HHIPL1: variants seen among roughly 807,000 people sequenced by gnomAD.
The protein encoded by HHIPL1 is HHIP-like protein 1.
A neutral mutation model predicts 61.8 loss-of-function variants in HHIPL1; 43 were observed. The observed-to-expected ratio is 0.70, with a 90% CI of 0.55 to 0.90. The LOEUF (loss-of-function observed/expected upper bound fraction) is 0.90, where lower values mean the gene tolerates loss of function less well. HHIPL1 is among the 40% of genes least tolerant of loss of function. The pLI is 0.00. For missense variants in HHIPL1, 1,056 were observed against 1,157.7 expected, an observed-to-expected ratio of 0.91 and a Z score of 1.28; for synonymous variants, 482 against 515.8, an observed-to-expected ratio of 0.93 and a Z score of 0.89.
At chr14:99,627,854 G>A in the HHIPL1 span, among the ~76,000 whole-genome samples, 1 of 152,190 alleles carries the variant, frequency 6.6e-6, no homozygotes, top group Non-Finnish European at 1.5e-5. This position sits in a 1 kb window ranked among gnomAD's most constrained non-coding sequence, Gnocchi z 4.4. Flanking sequence ...GATGACAAGT[G>A]GACAGAGCAG....
rs1555377257 is a variant in HHIPL1 at position 99,656,787 on chromosome 14, AAAAGAAAGAAAGAAAG to A, written c.903-176_903-161del. Among the ~76,000 whole-genome samples the A allele has an allele frequency of 2.3e-3, 46 of 20,414 alleles. 2 individuals carry two copies. Among genetic ancestry groups the A allele is most frequent in the African/African-American group, 5.1e-3 (45 of 8,886 alleles). The allele number at this position is 20,414 out of a possible 152,430, so 13.4% of individuals were successfully genotyped here. ...AACACTCTGTCTGCAAAAAGAAAAG[AAAAGAAAGAAAGAAAG>A]AAAGAAAGAAAGAAAGAAAGAAAGA... is the stretch of plus-strand genomic sequence containing the variant. On this transcript the variant is annotated intron_variant, in intron 2 of 8. Coordinates refer to ENST00000330710, the MANE Select transcript of HHIPL1 (RefSeq NM_001127258.3).
the HHIPL1 span, among the ~76,000 whole-genome samples, chr14:99,634,652 C>T: frequency 3.9e-5 from 6 of 152,152 alleles, no homozygotes; most frequent in South Asian, 8.3e-4. Context: ...CTGGGCCACA[C>T]GGTTGTGGTG....
chr14:99,637,260 G>T, the HHIPL1 span, among the ~76,000 whole-genome samples: 16 of 145,484 alleles, frequency 1.1e-4, no homozygotes, highest in Admixed American at 5.4e-4. Context: ...AAGAAAGAAA[G>T]AAAGAAAAAG....
intron 2 of HHIPL1, among the ~76,000 whole-genome samples, chr14:99,653,936 C>G (rs2055982853): frequency 1.3e-5 from 2 of 152,176 alleles, no homozygotes. Flanking sequence ...CGCCAGTAAT[C>G]TCAGCACTTT....
At position 99,660,618 on chromosome 14, in the gene HHIPL1, A is replaced by G. The variant is rs1342111873; in HGVS notation, c.1502+212A>G. 3.9e-5 allele frequency among the ~76,000 whole-genome samples: 6 copies of G among 152,174 alleles called. No individual in the cohort carries two copies. Among genetic ancestry groups the G allele is most frequent in the Non-Finnish European group, 8.8e-5 (6 of 68,028 alleles). ...CTTTGCTGCAGGCCTCAGTACCTCT[A>G]TGATAGACACACAACTCATGGCATT... On this transcript the variant is annotated intron_variant, in intron 5 of 8. Transcript: ENST00000330710. This position sits in a 1 kb window ranked among gnomAD's most constrained non-coding sequence, Gnocchi z 4.9.
intron 8 of HHIPL1, among the ~76,000 whole-genome samples, chr14:99,673,480 A>C (rs755585644): frequency 2.2e-5 from 3 of 136,090 alleles, no homozygotes; most frequent in Non-Finnish European, 4.7e-5. Context: ...ACCCACCCAG[A>C]ACAGTGGAGA....
intron 6 of HHIPL1, among the ~76,000 whole-genome samples, chr14:99,664,443 G>A (rs1357202034): frequency 1.3e-5 from 2 of 152,212 alleles, no homozygotes; most frequent in East Asian, 3.8e-4. Flanking sequence ...GGGCCTGGAA[G>A]GAAGGTACAG....
chr14:99,631,111 TC>T, the HHIPL1 span, among the ~76,000 whole-genome samples: 11 of 146,904 alleles, frequency 7.5e-5, no homozygotes, highest in South Asian at 2.1e-4. Context: ...TTTCTTTCTC[TC>T]TCTTTCTTTC....
chr14:99,626,697 T>A, the HHIPL1 span, among the ~76,000 whole-genome samples: 1 of 152,230 alleles, frequency 6.6e-6, no homozygotes, highest in African/African-American at 2.4e-5. Flanking sequence ...GATCTGGGCA[T>A]GGCCAGGATT....
In HHIPL1 at chr14:99,675,078, T is replaced by G; in HGVS notation, c.1814-13T>G. On this transcript the variant is annotated splice_polypyrimidine_tract_variant and intron_variant, in intron 8 of 8. Coordinates refer to ENST00000330710, the MANE Select transcript of HHIPL1 (RefSeq NM_001127258.3). This position sits in a 1 kb window ranked among gnomAD's most constrained non-coding sequence, Gnocchi z 5.4. Reference sequence around the variant, plus strand: ...CCTGGGTCCCTCTGACGGCATACTCTTCCTCTGCGCAGAGTTCATCCCGAA... The same window carrying G: ...CCTGGGTCCCTCTGACGGCATACTCGTCCTCTGCGCAGAGTTCATCCCGAA... The G allele has an allele frequency of 8.8e-7, 1 of 1,141,006 alleles. No individual in the cohort carries two copies. The highest frequency in any genetic ancestry group is 1.1e-6 in the Non-Finnish European group (1 of 918,136). 70.7% of individuals were successfully genotyped at this position (1,141,006 alleles called of 1,614,324 possible). A position where few individuals can be genotyped will look rare whatever the true frequency, so the allele number is the denominator to read the frequency against.
chr14:99,658,021 G>T (rs555503366), intron 3 of HHIPL1, among the ~76,000 whole-genome samples: 1 of 152,242 alleles, frequency 6.6e-6, no homozygotes, highest in African/African-American at 2.4e-5. Flanking sequence ...GGAGTCTCAA[G>T]TCAGCCTCCC....
rs1243833178 is a variant in HHIPL1, at chr14:99,668,397, G to A, written c.1730+94G>A. On this transcript the variant is annotated intron_variant, in intron 7 of 8. Coordinates refer to ENST00000330710, the MANE Select transcript of HHIPL1 (RefSeq NM_001127258.3). This position sits in a 1 kb window ranked among gnomAD's most constrained non-coding sequence, Gnocchi z 4.7. ...CCCTCCGCCTCGCCCTCAGGTGGGT[G>A]GTATTAATCCCCATTTTCAGACAAG... 3.9e-6 allele frequency: 3 copies of A among 774,144 alleles called. No homozygotes were observed. The highest frequency in any genetic ancestry group is 3.4e-5 in the African/African-American group (2 of 58,624). 48.0% of individuals were successfully genotyped at this position (774,144 alleles called of 1,614,324 possible). A position where few individuals can be genotyped will look rare whatever the true frequency, so the allele number is the denominator to read the frequency against.
chr14:99,629,311 T>C, the HHIPL1 span, among the ~76,000 whole-genome samples: 1 of 151,830 alleles, frequency 6.6e-6, no homozygotes, highest in Non-Finnish European at 1.5e-5. Flanking sequence ...AGAACATACA[T>C]AAAAAAAACA....
At chr14:99,648,672 T>G (rs1258402525) in intron 1 of HHIPL1, among the ~76,000 whole-genome samples, 2 of 152,088 alleles carry the variant, frequency 1.3e-5, no homozygotes, top group African/African-American at 4.8e-5. Context: ...CAGAGTGCAT[T>G]GGGAGCATCC....
the HHIPL1 span, among the ~76,000 whole-genome samples, chr14:99,608,611 C>T: frequency 6.6e-6 from 1 of 152,164 alleles, no homozygotes; most frequent in African/African-American, 2.4e-5. Context: ...AGGTCTGGGC[C>T]AGACTATGAG....
At chr14:99,657,287 C>G in intron 3 of HHIPL1, 144 bp downstream of exon 3, 3 of 949,990 alleles carry the variant, frequency 3.2e-6, no homozygotes, top group Non-Finnish European at 1.6e-6. Context: ...CTGCAGCTAG[C>G]TGGGCAGCCT....
the HHIPL1 span, among the ~76,000 whole-genome samples, chr14:99,605,393 G>GGA: frequency 4.0e-5 from 6 of 150,540 alleles, no homozygotes; most frequent in South Asian, 8.4e-4. Flanking sequence ...GGGGCGGGGG[G>GGA]GGGTCCCTCC....
chr14:99,654,065 T>A (rs1332909234), intron 2 of HHIPL1, among the ~76,000 whole-genome samples: 1 of 151,784 alleles, frequency 6.6e-6, no homozygotes, highest in Non-Finnish European at 1.5e-5. Flanking sequence ...AGTGGTTATC[T>A]GTAATCCCAG....
At chr14:99,613,217 G>A in the HHIPL1 span, among the ~76,000 whole-genome samples, 4 of 151,956 alleles carry the variant, frequency 2.6e-5, no homozygotes, top group Admixed American at 6.6e-5. Flanking sequence ...CTATAACAAC[G>A]AGACCAGGAG....
Sources: allele counts gnomAD v4.1 joint callset (sites outside exome capture counted in the v4.1 genomes callset), GRCh38; gene constraint gnomAD v4.1.1; non-coding constraint Gnocchi (gnomAD v3.1); transcripts MANE v1.5; gene names NCBI Gene and HGNC (gene_info 2026-07-23, HGNC 2026-07-21).